CCSER1: variants seen among roughly 807,000 people sequenced by gnomAD.
CCSER1 encodes coiled-coil serine rich protein 1.
A neutral mutation model predicts 82.0 loss-of-function variants in CCSER1; 41 were observed. That is an observed-to-expected ratio of 0.50 (90% confidence interval 0.39 to 0.65). CCSER1 has a LOEUF of 0.65. Ranked by LOEUF, CCSER1 falls within the 30% of genes least tolerant of loss-of-function variation. The probability of loss-of-function intolerance (pLI) is 0.00; values close to 1 mark genes in which losing one functional copy is unlikely to be tolerated. For synonymous variants in CCSER1, 414 were observed against 383.9 expected (o/e 1.08, Z -0.92); for missense variants, 1,119 against 1,064.2 (o/e 1.05, Z -0.72).
chr4:91,098,895 A>G (rs1724776370), intron 10 of CCSER1, among the ~76,000 whole-genome samples: 1 of 152,220 alleles, frequency 6.6e-6, no homozygotes, highest in Admixed American at 6.5e-5. Context: ...TTCCAAGACT[A>G]GAACTAAAAT....
chr4:90,394,829 G>T (rs1462714490), intron 3 of CCSER1, among the ~76,000 whole-genome samples: 2 of 151,896 alleles, frequency 1.3e-5, no homozygotes, highest in South Asian at 2.1e-4. Flanking sequence ...ATGGATTCAT[G>T]GTGTACAACA....
chr4:90,236,306 CTGTTTGAA>C (rs1350737277), intron 1 of CCSER1, among the ~76,000 whole-genome samples: 4 of 152,040 alleles, frequency 2.6e-5, no homozygotes, highest in Admixed American at 2.0e-4. Flanking sequence ...AAGCAAAAGC[CTGTTTGAA>C]CTTTTTTCTT....
intron 6 of CCSER1, among the ~76,000 whole-genome samples, chr4:90,666,100 T>C (rs1022858738): frequency 1.3e-5 from 2 of 152,136 alleles, no homozygotes; most frequent in Non-Finnish European, 2.9e-5. Context: ...CTTTTTCACC[T>C]ATCATATCTG....
intron 8 of CCSER1, among the ~76,000 whole-genome samples, chr4:90,849,433 A>G (rs1763581472): frequency 6.6e-6 from 1 of 152,166 alleles, no homozygotes; most frequent in Non-Finnish European, 1.5e-5. Flanking sequence ...CTAAGCAGTA[A>G]AGCTTTCAAG....
intron 8 of CCSER1, among the ~76,000 whole-genome samples, chr4:90,896,832 G>C (rs1723787695): frequency 6.6e-6 from 1 of 151,662 alleles, no homozygotes; most frequent in Non-Finnish European, 1.5e-5. Context: ...TTTAACTTAA[G>C]GAATAACTGA....
chr4:91,444,673 C>G (rs1755436638), intron 10 of CCSER1, among the ~76,000 whole-genome samples: 1 of 152,170 alleles, frequency 6.6e-6, no homozygotes, highest in Admixed American at 6.5e-5. Context: ...TGGTCTCAAA[C>G]TCCTGACCTC....
chr4:91,558,691 A>C (rs1316949615), intron 10 of CCSER1, among the ~76,000 whole-genome samples: 5 of 151,556 alleles, frequency 3.3e-5, no homozygotes, highest in Admixed American at 6.6e-5. Flanking sequence ...ATGAGAAAGA[A>C]GCAAAGTTGG....
At chr4:91,287,332 C>T (rs1373573479) in intron 10 of CCSER1, among the ~76,000 whole-genome samples, 1 of 151,842 alleles carries the variant, frequency 6.6e-6, no homozygotes, top group Non-Finnish European at 1.5e-5. Context: ...TGATTTATTC[C>T]CTTTTCTTTT....
At chr4:90,163,857 G>A (rs1299308983) in intron 1 of CCSER1, among the ~76,000 whole-genome samples, 2 of 152,118 alleles carry the variant, frequency 1.3e-5, no homozygotes, top group African/African-American at 4.8e-5. Flanking sequence ...ATGAAGTGGG[G>A]TTGGGAGGAG....
chr4:91,432,310 T>C (rs1189386886), intron 10 of CCSER1, among the ~76,000 whole-genome samples: 1 of 152,164 alleles, frequency 6.6e-6, no homozygotes, highest in Non-Finnish European at 1.5e-5. Flanking sequence ...ATTAATTTAA[T>C]TAAACACCTA....
intron 10 of CCSER1, among the ~76,000 whole-genome samples, chr4:91,101,855 CAG>C (rs1344156219): frequency 2.0e-5 from 3 of 152,150 alleles, no homozygotes; most frequent in Non-Finnish European, 4.4e-5. Flanking sequence ...TCCTAAGTAA[CAG>C]AGCAGGTTTC....
At chr4:90,390,902 A>G (rs1750887495) in intron 3 of CCSER1, among the ~76,000 whole-genome samples, 1 of 152,114 alleles carries the variant, frequency 6.6e-6, no homozygotes. Context: ...CATTCCCACC[A>G]ACAATGTACA....
intron 10 of CCSER1, among the ~76,000 whole-genome samples, chr4:91,179,688 T>C (rs534983616): frequency 6.6e-6 from 1 of 152,234 alleles, no homozygotes; most frequent in Non-Finnish European, 1.5e-5. Flanking sequence ...CTTTTTATTC[T>C]AGTTAGCCAT....
chr4:91,082,705 G>A (rs6532270), intron 9 of CCSER1, among the ~76,000 whole-genome samples: 99,907 of 151,724 alleles, frequency 0.66, 33,342 homozygotes, highest in East Asian at 0.95. Flanking sequence ...AACTTAAACA[G>A]ATTTACAAGA....
At chr4:90,768,542 G>C (rs1751606887) in intron 7 of CCSER1, among the ~76,000 whole-genome samples, 1 of 152,150 alleles carries the variant, frequency 6.6e-6, no homozygotes, top group East Asian at 1.9e-4. Flanking sequence ...CTTTGGATCT[G>C]GTCAGCAGAT....
chr4:91,037,955 G>GT (rs1200958232), intron 9 of CCSER1, among the ~76,000 whole-genome samples: 1 of 151,854 alleles, frequency 6.6e-6, no homozygotes, highest in Non-Finnish European at 1.5e-5. Context: ...AAACTATTCT[G>GT]TATACATATC....
chr4:91,218,881 A>G (rs1737509784), intron 10 of CCSER1, among the ~76,000 whole-genome samples: 1 of 152,208 alleles, frequency 6.6e-6, no homozygotes, highest in Non-Finnish European at 1.5e-5. Context: ...TTAGAATCCT[A>G]TTCTTGGTAA....
At chr4:90,411,747 A>G (rs1754870642) in intron 4 of CCSER1, among the ~76,000 whole-genome samples, 2 of 152,202 alleles carry the variant, frequency 1.3e-5, no homozygotes, top group Admixed American at 1.3e-4. Context: ...CTCCTATTCA[A>G]CATAGTGTTG....
At chr4:90,480,855 A>G (rs1417097302) in intron 5 of CCSER1, among the ~76,000 whole-genome samples, 1 of 152,194 alleles carries the variant, frequency 6.6e-6, no homozygotes, top group African/African-American at 2.4e-5. Context: ...TGACGTGGCA[A>G]TGCGGGCTCT....
Sources: gnomAD v4.1 joint callset for allele counts (sites outside exome capture counted in the v4.1 genomes callset) on GRCh38, gnomAD v4.1.1 for gene constraint, MANE v1.5 for transcripts, NCBI Gene and HGNC (gene_info 2026-07-23, HGNC 2026-07-21) for gene names.